Variants in RASAL2 observed in about 807,000 individuals in gnomAD.
RASAL2 encodes the protein RAS protein activator like 2.
RASAL2 carries 58 observed loss-of-function variants against 128.9 expected under a neutral mutation model. That is an observed-to-expected ratio of 0.45 (90% CI 0.36 to 0.56). The LOEUF (loss-of-function observed/expected upper bound fraction) is 0.56, where lower values mean the gene tolerates loss of function less well. RASAL2 is among the 20% of genes least tolerant of loss of function. The pLI is 0.00. For missense variants in RASAL2, 1,360 were observed against 1,601.6 expected (o/e 0.85, Z 2.57); for synonymous variants, 561 against 580.8 (o/e 0.97, Z 0.49).
At chr1:178,352,435 G>A (rs1355534356) in intron 3 of RASAL2, among the ~76,000 whole-genome samples, 1 of 152,202 alleles carries the variant, frequency 6.6e-6, no homozygotes, top group Non-Finnish European at 1.5e-5. Flanking sequence ...ACACTGATGT[G>A]AGAGGTGGGC....
At chr1:178,247,896 T>C (rs1183273316) in intron 1 of RASAL2, among the ~76,000 whole-genome samples, 1 of 152,206 alleles carries the variant, frequency 6.6e-6, no homozygotes, top group Non-Finnish European at 1.5e-5. Flanking sequence ...AGTTTCTTAA[T>C]CCTGAGTTCT....
chr1:178,266,049 T>C (rs2102151835), intron 1 of RASAL2, among the ~76,000 whole-genome samples: 1 of 152,338 alleles, frequency 6.6e-6, no homozygotes, highest in Non-Finnish European at 1.5e-5. Flanking sequence ...CAATTTTGAA[T>C]AGTGCTGGCA....
intron 1 of RASAL2, among the ~76,000 whole-genome samples, chr1:178,157,840 G>A (rs1430155420): frequency 1.3e-5 from 2 of 152,132 alleles, no homozygotes; most frequent in African/African-American, 4.8e-5. Context: ...TACAAGGTTT[G>A]TATATAAGGG....
At chr1:178,461,565 A>G (rs1035626657) in intron 14 of RASAL2, among the ~76,000 whole-genome samples, 9 of 152,192 alleles carry the variant, frequency 5.9e-5, no homozygotes, top group Non-Finnish European at 1.5e-5. Flanking sequence ...TCGTACAAAC[A>G]GTAGACTTTA....
At chr1:178,307,370 A>T (rs1396825469) in intron 3 of RASAL2, among the ~76,000 whole-genome samples, 1 of 152,178 alleles carries the variant, frequency 6.6e-6, no homozygotes, top group South Asian at 2.1e-4. Flanking sequence ...TAGAAAACCT[A>T]GGAAAAAACT....
chr1:178,446,681 A>AT (rs1375506865), intron 9 of RASAL2, among the ~76,000 whole-genome samples: 2 of 152,202 alleles, frequency 1.3e-5, no homozygotes, highest in African/African-American at 2.4e-5. Flanking sequence ...GATTGGAGAG[A>AT]TTTTTACCCT....
chr1:178,261,753 A>G (rs533386266), intron 1 of RASAL2, among the ~76,000 whole-genome samples: 44 of 144,314 alleles, frequency 3.0e-4, no homozygotes, highest in Non-Finnish European at 4.6e-4. Flanking sequence ...CGTCTCTACT[A>G]AAAATACAAA....
chr1:178,355,838 AAGAGGTGCTCAGCCTTATCAAGGAAT>A (rs1670775397), intron 3 of RASAL2, among the ~76,000 whole-genome samples: 4 of 152,224 alleles, frequency 2.6e-5, no homozygotes, highest in African/African-American at 9.6e-5. Context: ...TATACATTTA[AAGAGGTGCTCAGCCTTATCAAGGAAT>A]CCCAAGTTAA....
intron 1 of RASAL2, among the ~76,000 whole-genome samples, chr1:178,128,084 C>T (rs1033247857): frequency 3.9e-5 from 6 of 151,978 alleles, no homozygotes; most frequent in Non-Finnish European, 7.4e-5. Flanking sequence ...TCATTTTCAC[C>T]TAAGGTTCAT....
At chr1:178,257,258 G>A (rs1263183236) in intron 1 of RASAL2, among the ~76,000 whole-genome samples, 1 of 152,098 alleles carries the variant, frequency 6.6e-6, no homozygotes, top group African/African-American at 2.4e-5. Flanking sequence ...TGACTTTTTT[G>A]TGGATATTGA....
chr1:178,188,441 A>G (rs755744024), intron 1 of RASAL2, among the ~76,000 whole-genome samples: 3 of 152,142 alleles, frequency 2.0e-5, no homozygotes, highest in African/African-American at 7.2e-5. Flanking sequence ...GTTGTCTAGC[A>G]TCTGAAAAAA....
chr1:178,153,568 G>A (rs1193054820), intron 1 of RASAL2, among the ~76,000 whole-genome samples: 4 of 152,110 alleles, frequency 2.6e-5, no homozygotes, highest in Admixed American at 2.6e-4. Flanking sequence ...TACAATATGT[G>A]TTCTATTGTA....
intron 1 of RASAL2, among the ~76,000 whole-genome samples, chr1:178,142,029 G>C (rs1442851912): frequency 6.6e-6 from 1 of 152,044 alleles, no homozygotes; most frequent in Non-Finnish European, 1.5e-5. Flanking sequence ...GTGAAAGGGG[G>C]TAAGAGAACA....
chr1:178,236,490 T>C (rs1571677328), intron 1 of RASAL2, among the ~76,000 whole-genome samples: 1 of 152,188 alleles, frequency 6.6e-6, no homozygotes, highest in Non-Finnish European at 1.5e-5. Flanking sequence ...GTGTTATTTT[T>C]TATCCATGTG....
chr1:178,313,756 T>C (rs1441199912), intron 3 of RASAL2, among the ~76,000 whole-genome samples: 1 of 152,196 alleles, frequency 6.6e-6, no homozygotes, highest in Non-Finnish European at 1.5e-5. Flanking sequence ...TATACTGTTT[T>C]TAAAATTAGC....
At chr1:178,447,123 G>C (rs1432560439) in intron 9 of RASAL2, among the ~76,000 whole-genome samples, 1 of 152,146 alleles carries the variant, frequency 6.6e-6, no homozygotes, top group African/African-American at 2.4e-5. Context: ...TGAAAGTTTT[G>C]AGCAGGTGTT....
intron 1 of RASAL2, among the ~76,000 whole-genome samples, chr1:178,147,384 G>A (rs1660766987): frequency 6.6e-6 from 1 of 151,686 alleles, no homozygotes; most frequent in African/African-American, 2.4e-5. Flanking sequence ...CAGCTACTTG[G>A]GAGGCTGAGG....
At chr1:178,260,845 G>C (rs1464811217) in intron 1 of RASAL2, among the ~76,000 whole-genome samples, 2 of 152,144 alleles carry the variant, frequency 1.3e-5, no homozygotes, top group Non-Finnish European at 2.9e-5. Context: ...GCACCCATCA[G>C]TTGTAAGCTT....
intron 3 of RASAL2, among the ~76,000 whole-genome samples, chr1:178,307,252 T>C (rs139730033): frequency 6.6e-6 from 1 of 152,122 alleles, no homozygotes; most frequent in African/African-American, 2.4e-5. Flanking sequence ...AAAATATTTT[T>C]AAATAAAATA....
Sources: gnomAD v4.1 joint callset for allele counts (sites outside exome capture counted in the v4.1 genomes callset) on GRCh38, gnomAD v4.1.1 for gene constraint, MANE v1.5 for transcripts, NCBI Gene and HGNC (gene_info 2026-07-23, HGNC 2026-07-21) for gene names.